The following ATIC variants were observed in gnomAD, a reference collection of about 807,000 sequenced individuals.
ATIC encodes bifunctional purine biosynthesis protein ATIC.
ATIC carries 64 observed loss-of-function variants against 72.5 expected under a neutral mutation model. The observed-to-expected ratio is 0.88, with a 90% CI of 0.72 to 1.09. ATIC has a LOEUF of 1.09. ATIC is among the 50% of genes least tolerant of loss of function. The pLI, the probability that ATIC is intolerant of heterozygous loss-of-function variation, is 0.00. For missense variants in ATIC, 787 were observed against 732.4 expected, an observed-to-expected ratio of 1.07 and a Z score of -0.86; for synonymous variants, 281 against 267.1, an observed-to-expected ratio of 1.05 and a Z score of -0.51.
chr2:215,334,093 T>C (rs2052927378), intron 9 of ATIC, among the ~76,000 whole-genome samples: 1 of 151,458 alleles, frequency 6.6e-6, no homozygotes, highest in South Asian at 2.1e-4. Context: ...GGAAACACAA[T>C]TGGAATTTGG....
At chr2:215,328,508 G>A (rs544687855) in intron 7 of ATIC, among the ~76,000 whole-genome samples, 125 of 152,074 alleles carry the variant, frequency 8.2e-4, no homozygotes, top group Non-Finnish European at 1.6e-3. Flanking sequence ...AGCGCCTCTG[G>A]CTCCTTGTCC....
intron 2 of ATIC, among the ~76,000 whole-genome samples, chr2:215,315,496 A>G (rs1161983796): frequency 6.6e-6 from 1 of 152,058 alleles, no homozygotes; most frequent in Non-Finnish European, 1.5e-5. Context: ...ATCTGGGACT[A>G]CAGCTGCACA....
chr2:215,333,833 GA>G (rs2052923160), intron 9 of ATIC, among the ~76,000 whole-genome samples: 1 of 152,024 alleles, frequency 6.6e-6, no homozygotes. Context: ...ACGAGGTCAG[GA>G]GATCGAGACC....
intron 8 of ATIC, among the ~76,000 whole-genome samples, chr2:215,332,936 A>T (rs951161843): frequency 6.6e-6 from 1 of 152,188 alleles, no homozygotes; most frequent in Non-Finnish European, 1.5e-5. Flanking sequence ...TCTGTACACC[A>T]CATCTTGCTG....
chr2:215,344,196 G>A (rs775027951), intron 12 of ATIC, among the ~76,000 whole-genome samples: 17 of 152,210 alleles, frequency 1.1e-4, no homozygotes, highest in African/African-American at 3.4e-4. Context: ...CTTACCTCAT[G>A]TGATATAAAA....
chr2:215,322,627 C>T (rs999730865), intron 4 of ATIC, among the ~76,000 whole-genome samples: 5 of 152,186 alleles, frequency 3.3e-5, no homozygotes, highest in South Asian at 2.1e-4. Context: ...CCACCGCACC[C>T]GGCGTGTGTA....
intron 4 of ATIC, among the ~76,000 whole-genome samples, chr2:215,324,431 G>A (rs1004350161): frequency 2.0e-5 from 3 of 152,232 alleles, no homozygotes; most frequent in Admixed American, 1.3e-4. Context: ...TTAGTGTTTT[G>A]TTGAGAGTTT....
intron 13 of ATIC, among the ~76,000 whole-genome samples, chr2:215,346,240 T>C (rs1352403022): frequency 1.3e-5 from 2 of 152,160 alleles, no homozygotes; most frequent in African/African-American, 4.8e-5. Flanking sequence ...TAGCTCATTG[T>C]AGCCTTCGAC....
chr2:215,319,781 A>G (rs2052748544), intron 4 of ATIC, 50 bp downstream of exon 4: 4 of 1,415,044 alleles, frequency 2.8e-6, no homozygotes, highest in Non-Finnish European at 4.0e-6. Context: ...AACGACAAAG[A>G]CTATGCCAAA....
chr2:215,315,360 A>T (rs540059311), intron 2 of ATIC, among the ~76,000 whole-genome samples: 2 of 151,984 alleles, frequency 1.3e-5, no homozygotes, highest in South Asian at 4.2e-4. Context: ...GGAGAAAGCT[A>T]TATATATATA....
chr2:215,314,939 C>T (rs1163875559), intron 2 of ATIC, among the ~76,000 whole-genome samples: 2 of 152,136 alleles, frequency 1.3e-5, no homozygotes, highest in Non-Finnish European at 2.9e-5. Flanking sequence ...TGAGAGCCTT[C>T]AGAATGAAGA....
chr2:215,342,420 C>T (rs1017079888), intron 12 of ATIC, among the ~76,000 whole-genome samples: 4 of 151,976 alleles, frequency 2.6e-5, no homozygotes, highest in African/African-American at 7.3e-5. Context: ...CCCATGTAAC[C>T]GTTACCCTAT....
At chr2:215,323,224 C>T (rs940240678) in intron 4 of ATIC, among the ~76,000 whole-genome samples, 3 of 152,174 alleles carry the variant, frequency 2.0e-5, no homozygotes, top group African/African-American at 7.2e-5. Context: ...GGATTACAGG[C>T]GTGAGCCACT....
Position 215,312,496 on chromosome 2 carries a change from A to G in ATIC, c.20-2A>G. 1 of 1,614,224 alleles carries G rather than the reference A, an allele frequency of 6.2e-7. No homozygotes were observed. On this transcript the variant is annotated splice_acceptor_variant, in intron 1 of 15. Coordinates refer to ENST00000236959, the MANE Select transcript of ATIC (RefSeq NM_004044.7). LOFTEE classifies it high-confidence loss of function. The stretch of plus-strand genomic sequence containing the variant: ...CATGAGAAAAAATGTCTTCTCTTTC[A>G]GCCTTATTTAGTGTCTCTGACAAAA...
At chr2:215,340,452 C>T (rs1040644728) in intron 12 of ATIC, among the ~76,000 whole-genome samples, 1 of 152,134 alleles carries the variant, frequency 6.6e-6, no homozygotes, top group Non-Finnish European at 1.5e-5. Flanking sequence ...CAGTACTTTG[C>T]AGGAATCATT....
Position 215,349,756 on chromosome 2 carries a change from A to C in ATIC, c.*101A>C, listed in dbSNP as rs969219770. ...TAAAAAAATAAAACAGTATCTCTTA[A>C]TCACTGGATCCATAGTTTTTGGTAG... is the stretch of plus-strand genomic sequence containing the variant. On this transcript the variant is annotated 3_prime_UTR_variant, in exon 16 of 16. Transcript: ENST00000236959. 1.2e-4 allele frequency: 192 copies of C among 1,592,220 alleles called. No homozygotes were observed. Among genetic ancestry groups the C allele is most frequent in the Non-Finnish European group, 1.4e-4 (167 of 1,161,622 alleles).
chr2:215,313,617 G>C (rs2052678737), intron 2 of ATIC, among the ~76,000 whole-genome samples: 1 of 152,162 alleles, frequency 6.6e-6, no homozygotes, highest in African/African-American at 2.4e-5. Context: ...ATATCTGTCT[G>C]CTTTTTGTTG....
chr2:215,361,378 A>G, the ATIC span: 3 of 686,366 alleles, frequency 4.4e-6, no homozygotes, highest in African/African-American at 3.6e-5. Context: ...AACCCTCAGG[A>G]AACTCCCAGG....
the ATIC span, among the ~76,000 whole-genome samples, chr2:215,359,518 A>G: frequency 6.6e-6 from 1 of 152,144 alleles, no homozygotes; most frequent in Admixed American, 6.5e-5. Flanking sequence ...TGTGATTTTT[A>G]AAAAACATAC....
Sources: gnomAD v4.1 joint callset for allele counts (sites outside exome capture counted in the v4.1 genomes callset) on GRCh38, gnomAD v4.1.1 for gene constraint, MANE v1.5 for transcripts, NCBI Gene and HGNC (gene_info 2026-07-23, HGNC 2026-07-21) for gene names.